The following NRG1 variants were observed in gnomAD, a reference collection of about 807,000 sequenced individuals.
NRG1 encodes pro-neuregulin-1, membrane-bound isoform.
A neutral mutation model predicts 63.8 loss-of-function variants in NRG1; 18 were observed. The observed-to-expected ratio is 0.28, with a 90% CI of 0.19 to 0.42. NRG1 has a LOEUF of 0.42. Ranked by LOEUF, NRG1 falls within the 10% of genes least tolerant of loss-of-function variation. The pLI is 1.00. For missense variants in NRG1, 762 were observed against 814.7 expected, an observed-to-expected ratio of 0.94 and a Z score of 0.79; for synonymous variants, 302 against 301.3, an observed-to-expected ratio of 1.00 and a Z score of -0.02.
At chr8:32,715,853 A>G (rs1373663136) in intron 5 of NRG1, among the ~76,000 whole-genome samples, 1 of 152,156 alleles carries the variant, frequency 6.6e-6, no homozygotes, top group Non-Finnish European at 1.5e-5. Flanking sequence ...AATATTGGTC[A>G]GGCTGGTCTT....
At chr8:32,758,575 CAAAAAAAAAAA>C (rs35499101) in intron 9 of NRG1, among the ~76,000 whole-genome samples, 1 of 74,524 alleles carries the variant, frequency 1.3e-5, no homozygotes, top group Non-Finnish European at 2.2e-5. Flanking sequence ...GACTCCATCT[CAAAAAAAAAAA>C]AAAAAAAAAA....
chr8:32,113,550 G>A (rs1037446112), intron 1 of NRG1, among the ~76,000 whole-genome samples: 1 of 152,112 alleles, frequency 6.6e-6, no homozygotes, highest in Non-Finnish European at 1.5e-5. Context: ...TGTTCCCTAT[G>A]AGGCATTTCA....
intron 1 of NRG1, among the ~76,000 whole-genome samples, chr8:32,474,522 C>T (rs1318620293): frequency 1.4e-5 from 2 of 142,436 alleles, no homozygotes; most frequent in African/African-American, 2.6e-5. Flanking sequence ...TGGACGGAGT[C>T]TCACTCTGCC....
At chr8:32,270,747 G>A (rs1050376642) in intron 1 of NRG1, among the ~76,000 whole-genome samples, 2 of 152,124 alleles carry the variant, frequency 1.3e-5, no homozygotes, top group African/African-American at 4.8e-5. Context: ...CCTCACATTA[G>A]CAGCTTTAAA....
At chr8:32,390,985 T>C (rs887519477) in intron 1 of NRG1, among the ~76,000 whole-genome samples, 2 of 152,188 alleles carry the variant, frequency 1.3e-5, no homozygotes, top group African/African-American at 4.8e-5. Context: ...TTAAGTGAAA[T>C]TGTGATGTCT....
At chr8:32,048,192 A>C (rs1336546208) in intron 1 of NRG1, among the ~76,000 whole-genome samples, 1 of 151,658 alleles carries the variant, frequency 6.6e-6, no homozygotes, top group Non-Finnish European at 1.5e-5. Flanking sequence ...ACTATTGTGA[A>C]TGGTGCTGCA....
At chr8:32,530,160 T>A (rs561239736) in intron 1 of NRG1, among the ~76,000 whole-genome samples, 1 of 151,912 alleles carries the variant, frequency 6.6e-6, no homozygotes, top group Admixed American at 6.6e-5. Context: ...CAGGCTGGAG[T>A]GCAGTGGTGC....
At chr8:31,884,792 A>AT (rs909286851) in intron 1 of NRG1, among the ~76,000 whole-genome samples, 75 of 151,508 alleles carry the variant, frequency 5.0e-4, no homozygotes, top group African/African-American at 6.5e-4. Context: ...TCCATTTGAC[A>AT]TTTTTTTTTA....
chr8:32,073,202 T>A (rs1484823914), intron 1 of NRG1, among the ~76,000 whole-genome samples: 1 of 152,160 alleles, frequency 6.6e-6, no homozygotes, highest in African/African-American at 2.4e-5. Context: ...ATCTTGTCAT[T>A]ACAGCATTAA....
At chr8:31,785,837 G>C (rs1309226487) in intron 1 of NRG1, among the ~76,000 whole-genome samples, 7 of 152,162 alleles carry the variant, frequency 4.6e-5, no homozygotes, top group Admixed American at 4.6e-4. Context: ...GTGGTATACA[G>C]AGTGAAGGCT....
In NRG1 at chr8:32,742,590, A is replaced by G; in HGVS notation, c.633-85A>G. The G allele has an allele frequency of 2.4e-6, 3 of 1,275,382 alleles. No homozygotes were observed. 79.0% of individuals were successfully genotyped at this position (1,275,382 alleles called of 1,614,324 possible). On this transcript the variant is annotated intron_variant, in intron 6 of 11. Coordinates refer to ENST00000356819, the Ensembl canonical transcript of NRG1. This position sits in a 1 kb window ranked among gnomAD's most constrained non-coding sequence, Gnocchi z 4.2. ...ACTCACCAAGTTTCAGTCAAATGAC[A>G]CTGAAGGAGCTTCTTTCTAGCATAT...
intron 5 of NRG1, among the ~76,000 whole-genome samples, chr8:32,626,577 G>T (rs964692142): frequency 6.6e-6 from 1 of 152,070 alleles, no homozygotes; most frequent in African/African-American, 2.4e-5. Flanking sequence ...CTACTGGGGA[G>T]GCTGAGGCAG....
At chr8:31,872,242 G>T (rs1365474974) in intron 1 of NRG1, among the ~76,000 whole-genome samples, 1 of 152,106 alleles carries the variant, frequency 6.6e-6, no homozygotes, top group Non-Finnish European at 1.5e-5. Context: ...AGTTCACAAG[G>T]TTTATTATGC....
chr8:32,386,640 T>C (rs1052453599), intron 1 of NRG1, among the ~76,000 whole-genome samples: 3 of 152,230 alleles, frequency 2.0e-5, no homozygotes, highest in Non-Finnish European at 4.4e-5. Flanking sequence ...TATAAAGTAT[T>C]GTCTATTTGA....
chr8:31,923,452 G>A (rs1834078796), intron 1 of NRG1, among the ~76,000 whole-genome samples: 1 of 152,012 alleles, frequency 6.6e-6, no homozygotes, highest in African/African-American at 2.4e-5. Flanking sequence ...GTGATAGCAA[G>A]GTTATAATGG....
chr8:32,139,755 A>G (rs1384131013), intron 1 of NRG1, among the ~76,000 whole-genome samples: 1 of 152,184 alleles, frequency 6.6e-6, no homozygotes, highest in Non-Finnish European at 1.5e-5. Flanking sequence ...TCCAAAATCA[A>G]TGAAATAAAA....
At chr8:32,263,325 G>A (rs909875405) in intron 1 of NRG1, among the ~76,000 whole-genome samples, 1 of 152,186 alleles carries the variant, frequency 6.6e-6, no homozygotes, top group African/African-American at 2.4e-5. Context: ...CCCAAAGCAT[G>A]TGTACTAAGC....
intron 1 of NRG1, among the ~76,000 whole-genome samples, chr8:31,713,108 A>AATT (rs1416710103): frequency 1.1e-4 from 15 of 131,002 alleles, no homozygotes; most frequent in Middle Eastern, 4.5e-3. Flanking sequence ...TACTCCTTCT[A>AATT]ATTTTTTTTT....
chr8:32,523,662 C>T (rs1266292870), intron 1 of NRG1, among the ~76,000 whole-genome samples: 2 of 151,780 alleles, frequency 1.3e-5, no homozygotes, highest in Non-Finnish European at 2.9e-5. Flanking sequence ...CCAGCCTGAC[C>T]AACATGGTGA....
Sources: gnomAD v4.1 joint callset for allele counts (sites outside exome capture counted in the v4.1 genomes callset) on GRCh38, gnomAD v4.1.1 for gene constraint, Gnocchi (gnomAD v3.1) non-coding constraint, MANE v1.5 for transcripts, NCBI Gene and HGNC (gene_info 2026-07-23, HGNC 2026-07-21) for gene names.